Variants in SPIRE1 observed in about 807,000 individuals in gnomAD.
SPIRE1 encodes spire type actin nucleation factor 1.
In SPIRE1, 40 loss-of-function variants were observed where a neutral mutation model predicts 94.1. The ratio of observed to expected loss-of-function variants is 0.43; its 90% CI spans 0.33 to 0.55. The LOEUF is 0.55. SPIRE1 is among the 20% of genes least tolerant of loss of function. SPIRE1 has a pLI of 0.06. For missense variants in SPIRE1, 838 were observed against 975.2 expected (o/e 0.86, Z 1.87); for synonymous variants, 376 against 371.7 (o/e 1.01, Z -0.13).
chr18:12,575,606 C>T (rs186457167), intron 2 of SPIRE1, among the ~76,000 whole-genome samples: 188 of 152,304 alleles, frequency 1.2e-3, no homozygotes, highest in Middle Eastern at 3.4e-3. Flanking sequence ...CAGGCATGAA[C>T]TACTGAGCCT....
chr18:12,553,629 C>T (rs913552794), intron 2 of SPIRE1, among the ~76,000 whole-genome samples: 2 of 152,132 alleles, frequency 1.3e-5, no homozygotes, highest in East Asian at 1.9e-4. Flanking sequence ...AGTGACCAGA[C>T]AGCATCTCTA....
At chr18:12,619,510 AAAACAAATTTAAAT>A (rs1315006160) in intron 2 of SPIRE1, among the ~76,000 whole-genome samples, 4 of 151,304 alleles carry the variant, frequency 2.6e-5, no homozygotes, top group Non-Finnish European at 4.4e-5. Flanking sequence ...TCCGTCTCGA[AAAACAAATTTAAAT>A]AAACAAATAA....
Position 12,657,586 on chromosome 18 carries a change from C to A in SPIRE1, c.281G>T (p.Gly94Val). 8.0e-7 allele frequency: 1 copy of A among 1,246,598 alleles called. No individual in the cohort carries two copies. Among genetic ancestry groups the A allele is most frequent in the Non-Finnish European group, 1.0e-6 (1 of 996,874 alleles). The allele number at this position is 1,246,598 out of a possible 1,614,324, so 77.2% of individuals were successfully genotyped here. The change falls in exon 1 of 17, where the codon GGC (glycine) becomes GTC (valine). Residue 94 changes from glycine (G) to valine (V), a missense_variant. Gly to Val is a moderately radical substitution (Grantham distance 109). Around this residue, in one of 2 missense-constraint regions of SPIRE1, gnomAD observed 193 missense variants for 170.5 expected, o/e 1.13. Transcript: ENST00000409402. ...GGCCGCGGGCGCCAGGGTGACGGCG[C>A]CGTCCCTCCAGACGCGGATCTGCGC... ...SAAQIRVWRD[G>V]AVTLAPAADD...
intron 2 of SPIRE1, among the ~76,000 whole-genome samples, chr18:12,630,096 T>C (rs1272321551): frequency 1.3e-5 from 2 of 152,232 alleles, no homozygotes; most frequent in Non-Finnish European, 2.9e-5. Context: ...TAATTAAAAC[T>C]ACAAAATAAT....
chr18:12,494,636 T>G (rs1306198568), intron 7 of SPIRE1, among the ~76,000 whole-genome samples: 1 of 150,816 alleles, frequency 6.6e-6, no homozygotes, highest in Non-Finnish European at 1.5e-5. Context: ...AAGATCATCC[T>G]GGCTAACACG....
chr18:12,598,910 TATA>T (rs2036754785), intron 2 of SPIRE1, among the ~76,000 whole-genome samples: 1 of 152,238 alleles, frequency 6.6e-6, no homozygotes, highest in South Asian at 2.1e-4. Context: ...TTTGTTTTGA[TATA>T]ATTTTAAACT....
intron 2 of SPIRE1, among the ~76,000 whole-genome samples, chr18:12,578,339 T>C (rs1214024434): frequency 6.6e-6 from 1 of 152,226 alleles, no homozygotes; most frequent in Non-Finnish European, 1.5e-5. Flanking sequence ...AATTGCAATA[T>C]ATTGACACAA....
rs923988100 is a variant in SPIRE1, at chr18:12,656,620, G to C, written c.337+910C>G. On this transcript the variant is annotated intron_variant, in intron 1 of 16. Transcript: ENST00000409402. ...CATCAACTTTCTAAAAGTGAGGGTA[G>C]ATTGTTTTTCTATGTTTTTAATAGA... The C allele has an allele frequency of 1.6e-5, 11 of 668,318 alleles. No individual in the cohort carries two copies. The South Asian group carries it at 7.4e-4, about 45-fold the overall frequency. 41.4% of individuals were successfully genotyped at this position (668,318 alleles called of 1,614,324 possible). A position where few individuals can be genotyped will look rare whatever the true frequency, so the allele number is the denominator to read the frequency against.
At chr18:12,546,932 G>A in intron 2 of SPIRE1, 28 bp from the exon 3 acceptor site, 1 of 1,516,000 alleles carries the variant, frequency 6.6e-7, no homozygotes, top group Admixed American at 1.9e-5. Context: ...AGTGGTTAAT[G>A]GAGATGAATG....
chr18:12,480,845 C>T (rs914932300), intron 9 of SPIRE1, among the ~76,000 whole-genome samples: 16 of 152,116 alleles, frequency 1.1e-4, no homozygotes, highest in African/African-American at 3.9e-4. Context: ...ACTATAAAAT[C>T]GGTACATTTA....
At chr18:12,450,703 G>T in intron 16 of SPIRE1, 1 of 650,562 alleles carries the variant, frequency 1.5e-6, no homozygotes, top group Non-Finnish European at 2.8e-6. Context: ...GAGGCAAGAA[G>T]AAGGATCCTA....
At chr18:12,530,742 AT>A (rs2034657200) in intron 4 of SPIRE1, among the ~76,000 whole-genome samples, 1 of 152,246 alleles carries the variant, frequency 6.6e-6, no homozygotes, top group Admixed American at 6.5e-5. Flanking sequence ...CAGTGGTAAT[AT>A]AAATATTTCA....
At chr18:12,466,608 A>C (rs140683344) in intron 10 of SPIRE1, among the ~76,000 whole-genome samples, 108 of 152,296 alleles carry the variant, frequency 7.1e-4, no homozygotes, top group African/African-American at 2.5e-3. Flanking sequence ...CAAAAGGAAG[A>C]AAATTAGGCA....
intron 4 of SPIRE1, among the ~76,000 whole-genome samples, chr18:12,533,251 C>T (rs888211356): frequency 1.3e-5 from 2 of 152,188 alleles, no homozygotes; most frequent in Non-Finnish European, 2.9e-5. Context: ...GTTGTGAGGG[C>T]CCAACCTCGG....
At chr18:12,501,089 A>AG (rs1369189253) in intron 6 of SPIRE1, among the ~76,000 whole-genome samples, 5 of 140,938 alleles carry the variant, frequency 3.5e-5, no homozygotes, top group African/African-American at 1.0e-4. Context: ...AAAAAAAAAA[A>AG]AAAAAAGAAA....
intron 4 of SPIRE1, among the ~76,000 whole-genome samples, chr18:12,518,015 C>G (rs1266065516): frequency 1.3e-5 from 2 of 152,062 alleles, no homozygotes; most frequent in Non-Finnish European, 2.9e-5. Context: ...CTTGAACAAA[C>G]TTTTAATTAA....
intron 1 of SPIRE1, among the ~76,000 whole-genome samples, chr18:12,642,078 C>T (rs555620532): frequency 6.6e-6 from 1 of 152,122 alleles, no homozygotes; most frequent in Non-Finnish European, 1.5e-5. Flanking sequence ...GATCCGCCCG[C>T]CTCAGCGTGA....
rs896069567 is a variant in SPIRE1, at chr18:12,527,992, G to A, written c.729+7484C>T. On this transcript the variant is annotated intron_variant, in intron 4 of 16. Coordinates refer to ENST00000409402, the MANE Select transcript of SPIRE1 (RefSeq NM_001128626.2). ...GAGGCAGGAGAATGGTGTGAACCTG[G>A]GAGGTGGAGCTTGCAGATTGCGCCA... is the stretch of plus-strand genomic sequence containing the variant. 2.6e-5 allele frequency among the ~76,000 whole-genome samples: 4 copies of A among 151,904 alleles called. No individual in the cohort carries two copies. The East Asian group carries it at 5.8e-4, about 22-fold the overall frequency.
intron 2 of SPIRE1, among the ~76,000 whole-genome samples, chr18:12,606,643 G>A (rs2036985845): frequency 6.6e-6 from 1 of 151,276 alleles, no homozygotes; most frequent in Admixed American, 6.6e-5. Context: ...TGATTCTTCT[G>A]CCTCAGCCTC....
Sources: allele counts gnomAD v4.1 joint callset (sites outside exome capture counted in the v4.1 genomes callset), GRCh38; gene constraint gnomAD v4.1.1; regional missense constraint gnomAD v4.1.1; transcripts MANE v1.5; gene names NCBI Gene and HGNC (gene_info 2026-07-23, HGNC 2026-07-21).